Variants in BABAM2 observed in about 807,000 individuals in gnomAD.
The protein encoded by BABAM2 is BRISC and BRCA1 A complex member 2, also known as BRISC and BRCA1-A complex member 2.
A neutral mutation model predicts 54.7 loss-of-function variants in BABAM2; 31 were observed. The observed-to-expected ratio is 0.57, with a 90% CI of 0.43 to 0.77. BABAM2 has a LOEUF of 0.77. Among genes scored for constraint, BABAM2 ranks in the 30% least tolerant of loss-of-function variants. The pLI, the probability that BABAM2 is intolerant of heterozygous loss-of-function variation, is 0.00. For missense variants in BABAM2, 364 were observed against 455.8 expected (o/e 0.80, Z 1.83); for synonymous variants, 167 against 162.9 (o/e 1.03, Z -0.19).
chr2:28,319,888 C>A (rs1000445765), intron 11 of BABAM2, among the ~76,000 whole-genome samples: 4 of 152,196 alleles, frequency 2.6e-5, no homozygotes, highest in African/African-American at 9.7e-5. Context: ...TAGACAGGCT[C>A]ACGGTGGGGG....
chr2:28,139,771 G>C (rs1401680825), intron 7 of BABAM2, among the ~76,000 whole-genome samples: 1 of 152,130 alleles, frequency 6.6e-6, no homozygotes, highest in Non-Finnish European at 1.5e-5. Context: ...TAGCTGTGTA[G>C]CTGTTGAAAT....
intron 4 of BABAM2, among the ~76,000 whole-genome samples, chr2:28,001,608 T>C (rs1337193891): frequency 6.6e-6 from 1 of 152,106 alleles, no homozygotes; most frequent in African/African-American, 2.4e-5. Flanking sequence ...AGAAAAGTAG[T>C]CTATTTGGGC....
intron 2 of BABAM2, among the ~76,000 whole-genome samples, chr2:27,925,628 G>C (rs1325497186): frequency 6.6e-6 from 1 of 152,116 alleles, no homozygotes; most frequent in Non-Finnish European, 1.5e-5. Context: ...CTTATAGCCA[G>C]CTATGTAGCG....
intron 4 of BABAM2, among the ~76,000 whole-genome samples, chr2:27,998,374 C>T (rs1173334226): frequency 2.0e-5 from 3 of 151,768 alleles, no homozygotes; most frequent in Non-Finnish European, 4.4e-5. Flanking sequence ...GTCTATAACC[C>T]TAGATGAGTT....
intron 6 of BABAM2, among the ~76,000 whole-genome samples, chr2:28,064,821 G>T (rs1422175734): frequency 6.6e-6 from 1 of 152,116 alleles, no homozygotes; most frequent in African/African-American, 2.4e-5. Context: ...GGCCAACATG[G>T]TGAAACCTCT....
At chr2:28,009,520 T>G (rs997211432) in intron 4 of BABAM2, among the ~76,000 whole-genome samples, 12 of 152,142 alleles carry the variant, frequency 7.9e-5, no homozygotes, top group African/African-American at 2.9e-4. Flanking sequence ...TAATGCTTTG[T>G]TAAGGTTCGT....
intron 2 of BABAM2, among the ~76,000 whole-genome samples, chr2:27,913,921 C>T (rs1363325788): frequency 6.6e-6 from 1 of 152,180 alleles, no homozygotes; most frequent in African/African-American, 2.4e-5. Context: ...ATGATAGGCA[C>T]ATTGCCAATT....
intron 7 of BABAM2, among the ~76,000 whole-genome samples, chr2:28,133,512 G>A (rs1035943928): frequency 1.3e-5 from 2 of 152,160 alleles, no homozygotes; most frequent in Non-Finnish European, 2.9e-5. Context: ...GACAGGGAGA[G>A]GCTCAGGAGA....
intron 6 of BABAM2, among the ~76,000 whole-genome samples, chr2:28,070,789 T>C (rs1261865473): frequency 2.0e-5 from 3 of 152,088 alleles, no homozygotes; most frequent in Non-Finnish European, 4.4e-5. Flanking sequence ...TTTAAAACCT[T>C]GAGAACAAAA....
chr2:28,204,923 G>A (rs1342118376), intron 7 of BABAM2, among the ~76,000 whole-genome samples: 3 of 151,482 alleles, frequency 2.0e-5, no homozygotes, highest in Admixed American at 6.6e-5. Context: ...AGTGATATAC[G>A]AGCAGAGTTG....
chr2:28,056,408 A>G (rs1678424105), intron 6 of BABAM2, among the ~76,000 whole-genome samples: 1 of 152,114 alleles, frequency 6.6e-6, no homozygotes, highest in South Asian at 2.1e-4. Flanking sequence ...AATAAAATTT[A>G]TTTTTTAAAA....
At chr2:28,138,045 A>G (rs1311258044) in intron 7 of BABAM2, among the ~76,000 whole-genome samples, 4 of 152,116 alleles carry the variant, frequency 2.6e-5, no homozygotes, top group Admixed American at 6.6e-5. Flanking sequence ...GTTTAACACT[A>G]TTTCTTAACA....
At chr2:28,198,464 C>T (rs1361401457) in intron 7 of BABAM2, among the ~76,000 whole-genome samples, 3 of 152,124 alleles carry the variant, frequency 2.0e-5, no homozygotes, top group Non-Finnish European at 4.4e-5. Flanking sequence ...CCGCGCCTGG[C>T]CAGGACAGCT....
At chr2:28,025,464 A>G (rs1233228398) in intron 5 of BABAM2, 44 bp downstream of exon 5, 22 of 1,493,560 alleles carry the variant, frequency 1.5e-5, no homozygotes, top group Non-Finnish European at 2.0e-5. Context: ...TTCATCCATA[A>G]TAAAATAATC....
Position 28,011,418 on chromosome 2 carries a change from T to G in BABAM2, c.301-13808T>G, listed in dbSNP as rs117166636. On this transcript the variant is annotated intron_variant, in intron 4 of 11. Transcript: ENST00000379624. ...CGAAGAGCCTGGGGTAGTCTCGTTTTCATTCAGAGTTCTACCTGCCCATTT... is the reference window on the plus strand; with the variant it reads ...CGAAGAGCCTGGGGTAGTCTCGTTTGCATTCAGAGTTCTACCTGCCCATTT... 1.8e-4 allele frequency among the ~76,000 whole-genome samples: 27 copies of G among 152,286 alleles called. 1 individual carries two copies. In the East Asian group the frequency reaches 5.2e-3, roughly 29 times the overall value.
At chr2:28,314,570 C>G (rs1689353017) in intron 11 of BABAM2, among the ~76,000 whole-genome samples, 1 of 152,226 alleles carries the variant, frequency 6.6e-6, no homozygotes, top group Admixed American at 6.5e-5. Flanking sequence ...TTGCCCAGAT[C>G]ACTAGCCTAG....
intron 6 of BABAM2, among the ~76,000 whole-genome samples, chr2:28,097,028 A>G (rs1230011563): frequency 6.6e-6 from 1 of 152,174 alleles, no homozygotes; most frequent in Non-Finnish European, 1.5e-5. Flanking sequence ...TGCCTTGGAA[A>G]ATAAACCAGT....
At chr2:28,051,121 C>T (rs770302987) in intron 6 of BABAM2, among the ~76,000 whole-genome samples, 2 of 152,184 alleles carry the variant, frequency 1.3e-5, no homozygotes, top group Non-Finnish European at 2.9e-5. Flanking sequence ...TACTGTTAGT[C>T]TCCTGTAACG....
chr2:27,895,986 A>G (rs1336170897), intron 2 of BABAM2: 2 of 152,168 alleles, frequency 1.3e-5, no homozygotes, highest in African/African-American at 4.8e-5. Context: ...GAGTGCTATC[A>G]AGTGGCTTTT....
Sources: allele counts gnomAD v4.1 joint callset (sites outside exome capture counted in the v4.1 genomes callset), GRCh38; gene constraint gnomAD v4.1.1; transcripts MANE v1.5; gene names NCBI Gene and HGNC (gene_info 2026-07-23, HGNC 2026-07-21).